IP6K3: variants seen among roughly 807,000 people sequenced by gnomAD.
IP6K3 encodes the protein ATP:1D-myo-inositol-hexakisphosphate phosphotransferase.
Under a neutral mutation model 28.8 loss-of-function variants are expected in IP6K3, and 20 were observed. The observed-to-expected ratio is 0.70, with a 90% CI of 0.49 to 1.01. The LOEUF is 1.01. Ranked by LOEUF, IP6K3 falls within the 50% of genes least tolerant of loss-of-function variation. The pLI is 0.00. For missense variants in IP6K3, 480 were observed against 537.1 expected (o/e 0.89, Z 1.05); for synonymous variants, 213 against 221.3 (o/e 0.96, Z 0.33).
rs1248325611 is a variant in IP6K3, at chr6:33,746,333, G to T, written c.-180+425C>A. 3.3e-5 allele frequency among the ~76,000 whole-genome samples: 5 copies of T among 152,152 alleles called. No homozygotes were observed. The highest frequency in any genetic ancestry group is 1.2e-4 in the African/African-American group (5 of 41,404). ...GGACATGCTGTTCCTGTGCCCAGGG[G>T]ATGCTGCCCGCGTTTCTTGGACACC... On this transcript the variant is annotated intron_variant, in intron 1 of 5. Coordinates refer to ENST00000293756, the MANE Select transcript of IP6K3 (RefSeq NM_054111.5). The surrounding 1 kb of genome is among the most constrained non-coding windows in gnomAD (Gnocchi z 6.5).
intron 5 of IP6K3, among the ~76,000 whole-genome samples, chr6:33,725,228 C>CAA (rs10570024): frequency 0.013 from 1,543 of 116,646 alleles, 9 homozygotes; most frequent in Non-Finnish European, 0.017. Flanking sequence ...GACTCCGTCT[C>CAA]AAAAAAAAAA....
chr6:33,734,127 T>A (rs1766419617), intron 2 of IP6K3, among the ~76,000 whole-genome samples: 1 of 145,560 alleles, frequency 6.9e-6, no homozygotes, highest in African/African-American at 2.6e-5. Flanking sequence ...CGCTTGAACC[T>A]GGGAGGCGGA....
the IP6K3 span, among the ~76,000 whole-genome samples, chr6:33,753,323 T>G: frequency 4.3e-3 from 658 of 152,326 alleles, 5 homozygotes; most frequent in African/African-American, 0.015. Flanking sequence ...ATGTCGTGGC[T>G]CAGAATATTT....
rs565601733 is a variant in IP6K3, at chr6:33,722,462, T to C, written c.*258A>G. 151 of 338,828 alleles carry C rather than the reference T, an allele frequency of 4.5e-4. No individual in the cohort carries two copies. Among genetic ancestry groups the C allele is most frequent in the Non-Finnish European group, 7.6e-4 (141 of 186,640 alleles). 21.0% of individuals were successfully genotyped at this position (338,828 alleles called of 1,614,324 possible). A position where few individuals can be genotyped will look rare whatever the true frequency, so the allele number is the denominator to read the frequency against. ...ACTTGGGCTGCCCCCTCCAGTGTAC[T>C]CCAGAAGGTGCCACTTTATCCTGGC... On this transcript the variant is annotated 3_prime_UTR_variant, in exon 6 of 6. Transcript: ENST00000293756.
chr6:33,734,168 A>C (rs1189398473), intron 2 of IP6K3, among the ~76,000 whole-genome samples: 1 of 142,232 alleles, frequency 7.0e-6, no homozygotes, highest in South Asian at 2.2e-4. Context: ...GCGCCATTGC[A>C]CTCCAGCCTG....
At chr6:33,739,093 C>T (rs1233766189) in intron 1 of IP6K3, 1 of 152,268 alleles carries the variant, frequency 6.6e-6, no homozygotes, top group African/African-American at 2.4e-5. Context: ...CTGCAACCTT[C>T]CCCTCTGATC....
At chr6:33,728,009 T>G in intron 3 of IP6K3, 78 bp downstream of exon 3, 1 of 1,549,168 alleles carries the variant, frequency 6.5e-7, no homozygotes, top group Non-Finnish European at 8.7e-7. Flanking sequence ...AGGGAGTGGT[T>G]GGCCTTGGGC....
At chr6:33,759,934 A>G in the IP6K3 span, among the ~76,000 whole-genome samples, 3 of 152,192 alleles carry the variant, frequency 2.0e-5, no homozygotes, top group Non-Finnish European at 2.9e-5. Context: ...CCATGCACCA[A>G]TGTGGACCCC....
chr6:33,732,250 C>T (rs1766347324), intron 2 of IP6K3, among the ~76,000 whole-genome samples: 1 of 152,196 alleles, frequency 6.6e-6, no homozygotes, highest in African/African-American at 2.4e-5. Flanking sequence ...AGAGGCTGCC[C>T]TCTGGAGTGG....
Position 33,735,553 on chromosome 6 carries a change from A to G in IP6K3, c.-77T>C. 1.3e-6 allele frequency: 2 copies of G among 1,556,792 alleles called. No individual in the cohort carries two copies. The highest frequency in any genetic ancestry group is 1.2e-5 in the South Asian group (1 of 86,518). On this transcript the variant is annotated 5_prime_UTR_variant, in exon 2 of 6. Coordinates refer to ENST00000293756, the MANE Select transcript of IP6K3 (RefSeq NM_054111.5). ...TTTGAAGTAGAAAGGGCAGCTCCCAACAGCACACGGGGCTGTCAGCGGTCC... is the reference window on the plus strand; with the variant it reads ...TTTGAAGTAGAAAGGGCAGCTCCCAGCAGCACACGGGGCTGTCAGCGGTCC...
chr6:33,739,594 G>A (rs1023842505), intron 1 of IP6K3, among the ~76,000 whole-genome samples: 1 of 152,220 alleles, frequency 6.6e-6, no homozygotes, highest in Non-Finnish European at 1.5e-5. Flanking sequence ...TTTGTGTGTG[G>A]CCTCCAGCTC....
intron 4 of IP6K3, among the ~76,000 whole-genome samples, chr6:33,726,473 G>GC (rs968213509): frequency 2.0e-5 from 3 of 152,230 alleles, no homozygotes; most frequent in East Asian, 3.9e-4. Flanking sequence ...CACAGCCAGG[G>GC]CCCCCCCAGG....
At chr6:33,749,280 T>C (rs564992495), upstream of IP6K3, among the ~76,000 whole-genome samples, 1 of 152,224 alleles carries the variant, frequency 6.6e-6, no homozygotes, top group South Asian at 2.1e-4. Context: ...CATATTGACT[T>C]CTTATTCTTC....
the IP6K3 span, among the ~76,000 whole-genome samples, chr6:33,759,476 C>G: frequency 6.6e-6 from 1 of 152,214 alleles, no homozygotes; most frequent in African/African-American, 2.4e-5. Context: ...GCGATCCACC[C>G]GCCTTGGCCT....
At position 33,735,347 on chromosome 6, in the gene IP6K3, C is replaced by G; in HGVS notation, c.130G>C (p.Val44Leu). Residue 44 changes from valine (V) to leucine (L), a missense_variant, in exon 2 of 6, where the codon GTC becomes CTC. Val to Leu is a conservative substitution (Grantham distance 32, BLOSUM62 1). Transcript: ENST00000293756. The stretch of plus-strand genomic sequence containing the variant: ...TCATAGAACCTCTGCTCCCGGGAGA[C>G]GAGGGGCTTGCACACCGTATGCTCG... ...YDEHTVCKPLVSREQRFYESL... is the reference protein window; with the variant it reads ...YDEHTVCKPLLSREQRFYESL... The G allele has an allele frequency of 1.2e-6, 2 of 1,607,030 alleles. No individual in the cohort carries two copies. Among genetic ancestry groups the G allele is most frequent in the Middle Eastern group, 3.3e-4 (2 of 6,018 alleles).
rs1359341225 is a variant in IP6K3 at position 33,723,333 on chromosome 6, T to C, written c.766-146A>G. 7 of 604,868 alleles carry C rather than the reference T, an allele frequency of 1.2e-5. No homozygotes were observed. In the East Asian group the frequency reaches 1.4e-4, roughly 12 times the overall value. 37.5% of individuals were successfully genotyped at this position (604,868 alleles called of 1,614,324 possible). On this transcript the variant is annotated intron_variant, in intron 5 of 5. Transcript: ENST00000293756. ...AAGAGTGACTGAAATGAGCAGAAGA[T>C]GATCTTCCATCAAGTGCCAGAGTAG...
chr6:33,746,155 TG>T lies in IP6K3; in HGVS notation c.-180+602del, dbSNP rs1477685063. Among the ~76,000 whole-genome samples, 2 of 152,072 alleles carry T rather than the reference TG, an allele frequency of 1.3e-5. No homozygotes were observed. Among genetic ancestry groups the T allele is most frequent in the African/African-American group, 4.8e-5 (2 of 41,384 alleles). On this transcript the variant is annotated intron_variant, in intron 1 of 5. Transcript: ENST00000293756. This position sits in a 1 kb window ranked among gnomAD's most constrained non-coding sequence, Gnocchi z 6.5. ...GCCCAGGGCATCAGGGACCACCGTT[TG>T]GTGGAGACATGTCTCCCACCCCCAT...
rs749486017 is a variant in IP6K3, at chr6:33,728,352, C to T, written c.200-52G>A. The T allele has an allele frequency of 3.2e-6, 5 of 1,539,792 alleles. No homozygotes were observed. In the South Asian group the frequency reaches 5.6e-5, roughly 17 times the overall value. On this transcript the variant is annotated intron_variant, in intron 2 of 5. Coordinates refer to ENST00000293756, the MANE Select transcript of IP6K3 (RefSeq NM_054111.5). ...GAGGAGCCAGTTGAGAGAGCCTCCA[C>T]ACGGACATGCAGGAGTGATGACGAG...
In IP6K3 at chr6:33,735,309, C is replaced by T. The variant is rs1425779456; in HGVS notation, c.168G>A (p.Leu56=). 1.2e-6 allele frequency: 2 copies of T among 1,611,638 alleles called. No individual in the cohort carries two copies. The highest frequency in any genetic ancestry group is 3.3e-5 in the Admixed American group (2 of 59,708). ...ACTGTGGGGTGAACCGCTTCATGGC[C>T]AGCGGCAGGGATTCATAGAACCTCT... ...REQRFYESLP[L]AMKRFTPQYK... Residue 56 remains leucine (L), a synonymous_variant, in exon 2 of 6, where the codon CTG becomes CTA. Transcript: ENST00000293756.
Sources: allele counts gnomAD v4.1 joint callset (sites outside exome capture counted in the v4.1 genomes callset), GRCh38; gene constraint gnomAD v4.1.1; non-coding constraint Gnocchi (gnomAD v3.1); transcripts MANE v1.5; gene names NCBI Gene and HGNC (gene_info 2026-07-23, HGNC 2026-07-21).